GALNT7: variants seen among roughly 807,000 people sequenced by gnomAD.
GALNT7 encodes N-acetylgalactosaminyltransferase 7.
In GALNT7, 60 loss-of-function variants were observed where a neutral mutation model predicts 82.1. The observed-to-expected ratio is 0.73, with a 90% CI of 0.59 to 0.91. The LOEUF (loss-of-function observed/expected upper bound fraction) is 0.91, where lower values mean the gene tolerates loss of function less well. Among genes scored for constraint, GALNT7 ranks in the 40% least tolerant of loss-of-function variants. The pLI is 0.00. For missense variants in GALNT7, 660 were observed against 804.2 expected, an observed-to-expected ratio of 0.82 and a Z score of 2.17; for synonymous variants, 243 against 275.1, an observed-to-expected ratio of 0.88 and a Z score of 1.15.
chr4:173,288,980 T>C (rs1736439117), intron 2 of GALNT7, among the ~76,000 whole-genome samples: 1 of 151,836 alleles, frequency 6.6e-6, no homozygotes, highest in Non-Finnish European at 1.5e-5. Flanking sequence ...TAACATTGCA[T>C]AGAAAGAAGG....
intron 2 of GALNT7, among the ~76,000 whole-genome samples, chr4:173,267,981 A>G (rs1479672511): frequency 1.3e-5 from 2 of 152,120 alleles, no homozygotes; most frequent in African/African-American, 4.8e-5. Flanking sequence ...TCTTTAAAAT[A>G]TGGTACCCTC....
chr4:173,192,148 C>G (rs1334513943), intron 1 of GALNT7, among the ~76,000 whole-genome samples: 1 of 152,102 alleles, frequency 6.6e-6, no homozygotes, highest in East Asian at 1.9e-4. Flanking sequence ...GTAGAAAACA[C>G]ATATTTAAAG....
At chr4:173,196,023 A>C (rs1732762206) in intron 1 of GALNT7, among the ~76,000 whole-genome samples, 1 of 152,226 alleles carries the variant, frequency 6.6e-6, no homozygotes, top group South Asian at 2.1e-4. Context: ...CTTACTCGCA[A>C]ATTCCTAATT....
At chr4:173,258,780 G>A (rs1735139025) in intron 2 of GALNT7, among the ~76,000 whole-genome samples, 1 of 152,182 alleles carries the variant, frequency 6.6e-6, no homozygotes, top group African/African-American at 2.4e-5. Context: ...CCATTGCCTT[G>A]TTAGGGATGC....
intron 6 of GALNT7, among the ~76,000 whole-genome samples, chr4:173,300,595 G>A (rs1227020020): frequency 3.3e-5 from 5 of 152,112 alleles, no homozygotes; most frequent in African/African-American, 7.2e-5. Context: ...GCACGTTCCC[G>A]GTGGGAGCAG....
chr4:173,236,011 C>A (rs1369898710), intron 1 of GALNT7, among the ~76,000 whole-genome samples: 1 of 152,290 alleles, frequency 6.6e-6, no homozygotes, highest in African/African-American at 2.4e-5. Flanking sequence ...ATCTCTGTAA[C>A]CTGGTACATA....
chr4:173,268,237 C>T (rs760620846), intron 2 of GALNT7: 15 of 154,116 alleles, frequency 9.7e-5, no homozygotes, highest in African/African-American at 3.6e-4. Flanking sequence ...CCAACCTAAC[C>T]TTGTTTTAGG....
intron 1 of GALNT7, among the ~76,000 whole-genome samples, chr4:173,242,443 A>G (rs1734468974): frequency 6.6e-6 from 1 of 152,218 alleles, no homozygotes; most frequent in African/African-American, 2.4e-5. Flanking sequence ...GGATATTAAA[A>G]TATACTTGGA....
At chr4:173,298,806 G>A (rs920756540) in intron 6 of GALNT7, among the ~76,000 whole-genome samples, 1 of 152,104 alleles carries the variant, frequency 6.6e-6, no homozygotes, top group Admixed American at 6.6e-5. Flanking sequence ...TACTAATTTT[G>A]TACTAGTTAA....
chr4:173,250,997 C>G (rs57410315), intron 2 of GALNT7, among the ~76,000 whole-genome samples: 11,950 of 152,208 alleles, frequency 0.079, 1,415 homozygotes, highest in African/African-American at 0.26. Flanking sequence ...TAGCCATTTT[C>G]TTCATGGTAT....
At chr4:173,178,049 G>A (rs1561142095) in intron 1 of GALNT7, among the ~76,000 whole-genome samples, 1 of 105,494 alleles carries the variant, frequency 9.5e-6, no homozygotes, top group Non-Finnish European at 2.0e-5. Context: ...GTGTGTGTGT[G>A]TGTGCGCGCA....
intron 1 of GALNT7, among the ~76,000 whole-genome samples, chr4:173,227,621 A>G (rs1733877989): frequency 6.6e-6 from 1 of 151,650 alleles, no homozygotes; most frequent in South Asian, 2.1e-4. Context: ...CTGAGCCAAC[A>G]CTCCTGGCCT....
intron 8 of GALNT7, among the ~76,000 whole-genome samples, chr4:173,313,463 C>T (rs779639345): frequency 3.3e-5 from 5 of 150,858 alleles, no homozygotes; most frequent in African/African-American, 1.2e-4. Flanking sequence ...CCTAGCTACT[C>T]GGGAAGCTGA....
At chr4:173,233,360 A>G (rs570163161) in intron 1 of GALNT7, among the ~76,000 whole-genome samples, 1 of 152,328 alleles carries the variant, frequency 6.6e-6, no homozygotes, top group South Asian at 2.1e-4. Flanking sequence ...CCAACAGTGT[A>G]TAAGAGTTCC....
chr4:173,292,274 G>A lies in GALNT7; in HGVS notation c.754G>A (p.Glu252Lys). 3 of 1,534,286 alleles carry A rather than the reference G, an allele frequency of 2.0e-6. No homozygotes were observed. The highest frequency in any genetic ancestry group is 2.4e-5 in the East Asian group (1 of 42,392). Residue 252 changes from glutamate to lysine, a missense_variant and splice_region_variant, in exon 3 of 12, where the codon GAA becomes AAA. Coordinates refer to ENST00000265000, the MANE Select transcript of GALNT7 (RefSeq NM_017423.3). This position sits in a 1 kb window ranked among gnomAD's most constrained non-coding sequence, Gnocchi z 4.8. ...GTTAATTGACGATTTCAGTAATAAA[G>A]GTAATGGCTGTGAAACTCACATTTT... ...IVLIDDFSNK[E>K]HLKEKLDEYI...
rs140488250 is a variant in GALNT7, at chr4:173,199,725, G to T, written c.126+30764G>T. Among the ~76,000 whole-genome samples the T allele has an allele frequency of 2.4e-4, 37 of 152,288 alleles. 1 individual carries two copies. The highest frequency in any genetic ancestry group is 4.9e-4 in the Non-Finnish European group (33 of 68,010). On this transcript the variant is annotated intron_variant, in intron 1 of 11. Coordinates refer to ENST00000265000, the MANE Select transcript of GALNT7 (RefSeq NM_017423.3). ...CCCTCTTAAAAAGAAGTTTCTTGAG[G>T]ATTTATCTCTGGTTGTCTTCCAGTT...
At chr4:173,233,164 T>C (rs1423699233) in intron 1 of GALNT7, among the ~76,000 whole-genome samples, 2 of 152,216 alleles carry the variant, frequency 1.3e-5, no homozygotes, top group African/African-American at 4.8e-5. Context: ...TGATTCTGTA[T>C]CTTGGCTATT....
chr4:173,298,078 C>T (rs781387282), intron 5 of GALNT7, 37 bp from the exon 6 acceptor site: 2 of 1,604,854 alleles, frequency 1.2e-6, no homozygotes, highest in Non-Finnish European at 1.7e-6. Flanking sequence ...CATACATACG[C>T]TTCCATTTGA....
At position 173,292,349 on chromosome 4, in the gene GALNT7, ATAAT is replaced by A. The variant is rs968446068; in HGVS notation, c.754+78_754+81del. ...ATAATTGCAAAAAGGTGATTTCAAA[ATAAT>A]TAGCTTTAAAAAATTAATAGCATCT... On this transcript the variant is annotated intron_variant, in intron 3 of 11. Coordinates refer to ENST00000265000, the MANE Select transcript of GALNT7 (RefSeq NM_017423.3). This position sits in a 1 kb window ranked among gnomAD's most constrained non-coding sequence, Gnocchi z 4.8. 1.1e-5 allele frequency: 10 copies of A among 908,534 alleles called. No individual in the cohort carries two copies. The African/African-American group carries it at 1.7e-4, about 15-fold the overall frequency. The allele number at this position is 908,534 out of a possible 1,614,324, so 56.3% of individuals were successfully genotyped here. A position where few individuals can be genotyped will look rare whatever the true frequency, so the allele number is the denominator to read the frequency against.
Sources: allele counts gnomAD v4.1 joint callset (sites outside exome capture counted in the v4.1 genomes callset), GRCh38; gene constraint gnomAD v4.1.1; non-coding constraint Gnocchi (gnomAD v3.1); transcripts MANE v1.5; gene names NCBI Gene and HGNC (gene_info 2026-07-23, HGNC 2026-07-21).